Variants in SLC35G6 observed in about 807,000 individuals in gnomAD.
The protein encoded by SLC35G6 is acyl-malonyl condensing enzyme 1-like 3.
A neutral mutation model predicts 20.3 loss-of-function variants in SLC35G6; 18 were observed. That is an observed-to-expected ratio of 0.88 (90% confidence interval 0.61 to 1.31). SLC35G6 has a LOEUF of 1.31. Among genes scored for constraint, SLC35G6 ranks in the 40% most tolerant of loss-of-function variants. SLC35G6 has a pLI of 0.00. For synonymous variants in SLC35G6, 156 were observed against 200.9 expected (o/e 0.78, Z 1.89); for missense variants, 372 against 433.4 (o/e 0.86, Z 1.26).
Position 7,482,008 on chromosome 17 carries a change from G to A in SLC35G6, c.24G>A (p.Leu8=). 6.2e-7 allele frequency: 1 copy of A among 1,602,820 alleles called. No individual in the cohort carries two copies. MAGSHPY[L]NPPDSTHPSP... is the part of the protein sequence containing the mutation. ...AACAGGCTGGCAGTCACCCCTACTTGAACCCGCCTGACTCCACACACCCAT... is the reference window on the plus strand; with the variant it reads ...AACAGGCTGGCAGTCACCCCTACTTAAACCCGCCTGACTCCACACACCCAT... The change falls in exon 2 of 2, where the codon TTG becomes TTA. Residue 8 remains leucine, a synonymous_variant. Transcript: ENST00000412468.
Position 7,482,878 on chromosome 17 carries a change from T to G in SLC35G6, c.894T>G (p.Tyr298Ter), listed in dbSNP as rs1246446643. ...SEVVVALILQ[Y>*]YMLHETVAPS... ...TGGTGGTGGCCCTTATACTGCAGTA[T>G]TATATGCTCCATGAGACTGTGGCAC... Residue 298 changes from tyrosine (Y) to a stop codon, truncating the protein, a stop_gained, in exon 2 of 2, where the codon TAT becomes TAG. Transcript: ENST00000412468. LOFTEE classifies it high-confidence loss of function. 6.2e-7 allele frequency: 1 copy of G among 1,611,834 alleles called. No individual in the cohort carries two copies. Among genetic ancestry groups the G allele is most frequent in the East Asian group, 2.2e-5 (1 of 44,890 alleles).
Position 7,483,199 on chromosome 17 carries a change from G to C in SLC35G6, c.*198G>C, listed in dbSNP as rs941881709. 28 of 1,044,274 alleles carry C rather than the reference G, an allele frequency of 2.7e-5. No individual in the cohort carries two copies. The Admixed American group carries it at 6.7e-4, about 25-fold the overall frequency. The allele number at this position is 1,044,274 out of a possible 1,614,324, so 64.7% of individuals were successfully genotyped here. A position where few individuals can be genotyped will look rare whatever the true frequency, so the allele number is the denominator to read the frequency against. On this transcript the variant is annotated 3_prime_UTR_variant, in exon 2 of 2. Coordinates refer to ENST00000412468, the MANE Select transcript of SLC35G6 (RefSeq NM_001102614.2). ...GGGCCAGCCTGGGACCAAGGGATGTGGAGACCAGGCTGGGTCCTGGAATCA... is the reference window on the plus strand; with the variant it reads ...GGGCCAGCCTGGGACCAAGGGATGTCGAGACCAGGCTGGGTCCTGGAATCA...
At chr17:7,481,617 C>A in intron 1 of SLC35G6, 98 bp downstream of exon 1, 1 of 853,692 alleles carries the variant, frequency 1.2e-6, no homozygotes, top group Non-Finnish European at 1.7e-6. Flanking sequence ...CAGAGATACC[C>A]ACAAATAGAA....
Position 7,482,694 on chromosome 17 carries a change from G to T in SLC35G6, c.710G>T (p.Gly237Val). 6.2e-7 allele frequency: 1 copy of T among 1,612,034 alleles called. No individual in the cohort carries two copies. The highest frequency in any genetic ancestry group is 1.1e-5 in the South Asian group (1 of 90,994). The change falls in exon 2 of 2, where the codon GGC becomes GTC. Residue 237 changes from glycine (G) to valine (V), a missense_variant. Coordinates refer to ENST00000412468, the MANE Select transcript of SLC35G6 (RefSeq NM_001102614.2). ...GTGGGGCTGCTGGGCTCTGTGCCAG[G>T]CCTCTTTGTGCTGCAGCCCCCCGTG... is the stretch of plus-strand genomic sequence containing the variant. ...GLVGLLGSVP[G>V]LFVLQPPVLP... is the part of the protein sequence containing the mutation.
At position 7,482,358 on chromosome 17, in the gene SLC35G6, T is replaced by C. The variant is rs762806956; in HGVS notation, c.374T>C (p.Val125Ala). 9 of 1,614,008 alleles carry C rather than the reference T, an allele frequency of 5.6e-6. No homozygotes were observed. In the South Asian group the frequency reaches 6.6e-5, roughly 12 times the overall value. ...IGCAYSAVQV[V>A]PAGNAATVRK... ...TGTGCCTACAGTGCGGTTCAGGTGG[T>C]GCCCGCTGGCAACGCTGCCACTGTT... is the stretch of plus-strand genomic sequence containing the variant. The change falls in exon 2 of 2, where the codon GTG (valine) becomes GCG (alanine). Residue 125 changes from valine to alanine, a missense_variant. Coordinates refer to ENST00000412468, the MANE Select transcript of SLC35G6 (RefSeq NM_001102614.2).
In SLC35G6 at chr17:7,482,014, G is replaced by A. The variant is rs1336850130; in HGVS notation, c.30G>A (p.Pro10=). The change falls in exon 2 of 2, where the codon CCG becomes CCA. Residue 10 remains proline, a synonymous_variant. Transcript: ENST00000412468. The stretch of plus-strand genomic sequence containing the variant: ...CTGGCAGTCACCCCTACTTGAACCC[G>A]CCTGACTCCACACACCCATCGCCGC... MAGSHPYLN[P]PDSTHPSPPS... 5.0e-6 allele frequency: 8 copies of A among 1,606,218 alleles called. No homozygotes were observed. The East Asian group carries it at 1.1e-4, about 22-fold the overall frequency.
Position 7,482,558 on chromosome 17 carries a change from G to C in SLC35G6, c.574G>C (p.Gly192Arg). The C allele has an allele frequency of 1.2e-6, 2 of 1,612,586 alleles. No homozygotes were observed. The highest frequency in any genetic ancestry group is 1.7e-6 in the Non-Finnish European group (2 of 1,179,940). Residue 192 changes from glycine to arginine, a missense_variant, in exon 2 of 2, where the codon GGC (glycine) becomes CGC (arginine). Physicochemically the swap from Gly to Arg is moderately radical, Grantham distance 125. Coordinates refer to ENST00000412468, the MANE Select transcript of SLC35G6 (RefSeq NM_001102614.2). The part of the protein sequence containing the change: ...EGITGVYTAL[G>R]YGQAFVGGLA... ...GATCACGGGTGTCTACACCGCCCTG[G>C]GCTATGGGCAGGCTTTCGTGGGAGG...
rs1364605392 is a variant in SLC35G6 at position 7,482,120 on chromosome 17, G to T, written c.136G>T (p.Gly46Cys). The change falls in exon 2 of 2, where the codon GGT (glycine) becomes TGT (cysteine). Residue 46 changes from glycine (G) to cysteine (C), a missense_variant. Physicochemically the swap from Gly to Cys is radical, Grantham distance 159. Coordinates refer to ENST00000412468, the MANE Select transcript of SLC35G6 (RefSeq NM_001102614.2). ...ATNGLLVALL[G>C]GGLPAGFVGP... is the part of the protein sequence containing the mutation. ...CAATGGCCTGCTGGTGGCCCTGCTGGGTGGGGGCCTGCCTGCTGGCTTCGT... is the reference window on the plus strand; with the variant it reads ...CAATGGCCTGCTGGTGGCCCTGCTGTGTGGGGGCCTGCCTGCTGGCTTCGT... The T allele has an allele frequency of 1.7e-5, 28 of 1,614,166 alleles. No homozygotes were observed. The highest frequency in any genetic ancestry group is 2.4e-5 in the Non-Finnish European group (28 of 1,180,018).
intron 1 of SLC35G6, 137 bp downstream of exon 1, chr17:7,481,656 G>A: frequency 1.5e-6 from 1 of 685,048 alleles, no homozygotes; most frequent in Non-Finnish European, 2.4e-6. Flanking sequence ...GATGTCTCTG[G>A]AACCTGTGGC....
In SLC35G6 at chr17:7,482,903, C is replaced by G; in HGVS notation, c.919C>G (p.Pro307Ala). 1.2e-6 allele frequency: 2 copies of G among 1,612,010 alleles called. No individual in the cohort carries two copies. The highest frequency in any genetic ancestry group is 1.7e-6 in the Non-Finnish European group (2 of 1,179,868). ...QYYMLHETVAPSDIVGAGVVL... is the reference protein window; with the variant it reads ...QYYMLHETVAASDIVGAGVVL... ...TTATATGCTCCATGAGACTGTGGCA[C>G]CTTCTGACATCGTGGGGGCAGGGGT... Residue 307 changes from proline (P) to alanine (A), a missense_variant, in exon 2 of 2, where the codon CCT becomes GCT. Physicochemically the swap from Pro to Ala is conservative, Grantham distance 27 (BLOSUM62 -1). Transcript: ENST00000412468.
Position 7,482,634 on chromosome 17 carries a change from C to T in SLC35G6, c.650C>T (p.Ser217Phe), listed in dbSNP as rs1446845902. ...LLVYRSLHFPSCLPTVAFLSG... is the reference protein window; with the variant it reads ...LLVYRSLHFPFCLPTVAFLSG... ...GTCTATCGTTCTCTGCACTTTCCCT[C>T]CTGCCTCCCAACAGTGGCCTTCCTA... Residue 217 changes from serine to phenylalanine, a missense_variant, in exon 2 of 2, where the codon TCC becomes TTC. Transcript: ENST00000412468. The T allele has an allele frequency of 6.2e-7, 1 of 1,612,048 alleles. No homozygotes were observed.
chr17:7,483,189 C>G lies in SLC35G6; in HGVS notation c.*188C>G, dbSNP rs1168882923. On this transcript the variant is annotated 3_prime_UTR_variant, in exon 2 of 2. Transcript: ENST00000412468. ...GGAAGACCTGGGGCCAGCCTGGGACCAAGGGATGTGGAGACCAGGCTGGGT... is the reference window on the plus strand; with the variant it reads ...GGAAGACCTGGGGCCAGCCTGGGACGAAGGGATGTGGAGACCAGGCTGGGT... 8.7e-6 allele frequency: 10 copies of G among 1,147,970 alleles called. No individual in the cohort carries two copies. In the East Asian group the frequency reaches 2.3e-4, roughly 27 times the overall value. The allele number at this position is 1,147,970 out of a possible 1,614,324, so 71.1% of individuals were successfully genotyped here. A position where few individuals can be genotyped will look rare whatever the true frequency, so the allele number is the denominator to read the frequency against.
At position 7,483,245 on chromosome 17, in the gene SLC35G6, G is replaced by C. The variant is rs529640977; in HGVS notation, c.*244G>C. 238 of 733,452 alleles carry C rather than the reference G, an allele frequency of 3.2e-4. No homozygotes were observed. Among genetic ancestry groups the C allele is most frequent in the Non-Finnish European group, 4.8e-4 (221 of 465,120 alleles). 45.4% of individuals were successfully genotyped at this position (733,452 alleles called of 1,614,324 possible). ...AATCAGGGCATAACTAAGGGGTAAA[G>C]TCTGAGGAGCAGATCCAAACGGCTG... On this transcript the variant is annotated 3_prime_UTR_variant, in exon 2 of 2. Transcript: ENST00000412468.
rs768837567 is a variant in SLC35G6, at chr17:7,482,037, C to A, written c.53C>A (p.Pro18Gln). The change falls in exon 2 of 2, where the codon CCG (proline) becomes CAG (glutamine). Residue 18 changes from proline (P) to glutamine (Q), a missense_variant. Physicochemically the swap from Pro to Gln is moderately conservative, Grantham distance 76. Transcript: ENST00000412468. ...LNPPDSTHPS[P>Q]PSAPPSLRWH... ...CCGCCTGACTCCACACACCCATCGCCGCCCTCCGCTCCACCCAGCCTCCGC... is the reference window on the plus strand; with the variant it reads ...CCGCCTGACTCCACACACCCATCGCAGCCCTCCGCTCCACCCAGCCTCCGC... 1.2e-6 allele frequency: 2 copies of A among 1,612,612 alleles called. No homozygotes were observed. The highest frequency in any genetic ancestry group is 2.7e-5 in the African/African-American group (2 of 74,980).
rs760798928 is a variant in SLC35G6, at chr17:7,482,436, G to A, written c.452G>A (p.Ser151Asn). ...GCCGTCCTCACCCTCTGCCTTGAGA[G>A]CCAGGGTCTCAGTGGCTACGACTGG... ...CSAVLTLCLE[S>N]QGLSGYDWCG... Residue 151 changes from serine to asparagine, a missense_variant, in exon 2 of 2, where the codon AGC becomes AAC. Transcript: ENST00000412468. 3.7e-6 allele frequency: 6 copies of A among 1,614,054 alleles called. 1 individual carries two copies. The South Asian group carries it at 5.5e-5, about 15-fold the overall frequency.
chr17:7,481,590 C>A, intron 1 of SLC35G6, 71 bp downstream of exon 1: 1 of 1,164,448 alleles, frequency 8.6e-7, no homozygotes, highest in South Asian at 1.7e-5. Flanking sequence ...CCCTCCTTTC[C>A]TAAAACTTAG....
chr17:7,482,055 G>A lies in SLC35G6; in HGVS notation c.71G>A (p.Ser24Asn). The A allele has an allele frequency of 6.2e-7, 1 of 1,613,676 alleles. No individual in the cohort carries two copies. The highest frequency in any genetic ancestry group is 8.5e-7 in the Non-Finnish European group (1 of 1,179,736). Reference sequence around the variant, plus strand: ...CCATCGCCGCCCTCCGCTCCACCCAGCCTCCGCTGGCACCAGTGCTGCCAG... The same window carrying A: ...CCATCGCCGCCCTCCGCTCCACCCAACCTCCGCTGGCACCAGTGCTGCCAG... ...THPSPPSAPP[S>N]LRWHQCCQPS... Residue 24 changes from serine to asparagine, a missense_variant, in exon 2 of 2, where the codon AGC becomes AAC. By Grantham distance (46) the Ser-to-Asn change is conservative. Coordinates refer to ENST00000412468, the MANE Select transcript of SLC35G6 (RefSeq NM_001102614.2).
In SLC35G6 at chr17:7,482,606, C is replaced by G. The variant is rs2070360306; in HGVS notation, c.622C>G (p.Leu208Val). 1 of 1,612,002 alleles carries G rather than the reference C, an allele frequency of 6.2e-7. No homozygotes were observed. Among genetic ancestry groups the G allele is most frequent in the Non-Finnish European group, 8.5e-7 (1 of 1,179,918 alleles). ...VGGLALSLGL[L>V]VYRSLHFPSC... is the part of the protein sequence containing the mutation. ...AGGACTGGCGCTGTCCCTGGGGCTT[C>G]TGGTCTATCGTTCTCTGCACTTTCC... Residue 208 changes from leucine (L) to valine (V), a missense_variant, in exon 2 of 2, where the codon CTG (leucine) becomes GTG (valine). Transcript: ENST00000412468.
Position 7,482,039 on chromosome 17 carries a change from C to T in SLC35G6, c.55C>T (p.Pro19Ser). The change falls in exon 2 of 2, where the codon CCC becomes TCC. Residue 19 changes from proline (P) to serine (S), a missense_variant. Transcript: ENST00000412468. ...GCCTGACTCCACACACCCATCGCCG[C>T]CCTCCGCTCCACCCAGCCTCCGCTG... is the stretch of plus-strand genomic sequence containing the variant. ...NPPDSTHPSPPSAPPSLRWHQ... is the reference protein window; with the variant it reads ...NPPDSTHPSPSSAPPSLRWHQ... 1 of 1,612,844 alleles carries T rather than the reference C, an allele frequency of 6.2e-7. No homozygotes were observed. The highest frequency in any genetic ancestry group is 8.5e-7 in the Non-Finnish European group (1 of 1,179,200).
Sources: allele counts gnomAD v4.1 joint callset, GRCh38; gene constraint gnomAD v4.1.1; transcripts MANE v1.5; gene names NCBI Gene and HGNC (gene_info 2026-07-23, HGNC 2026-07-21).